Variants in LUC7L3 observed in about 807,000 individuals in gnomAD.
LUC7L3 encodes the protein luc7-like protein 3.
Under a neutral mutation model 66.8 loss-of-function variants are expected in LUC7L3, and 6 were observed. The ratio of observed to expected loss-of-function variants is 0.09; its 90% confidence interval spans 0.05 to 0.18. LUC7L3 has a LOEUF of 0.18. Among genes scored for constraint, LUC7L3 ranks in the 10% least tolerant of loss-of-function variants. The pLI is 1.00. For synonymous variants in LUC7L3, 160 were observed against 174.7 expected, an observed-to-expected ratio of 0.92 and a Z score of 0.66; for missense variants, 341 against 531.1, an observed-to-expected ratio of 0.64 and a Z score of 3.52.
At chr17:50,750,379 G>C in intron 9 of LUC7L3, 122 bp from the exon 10 acceptor site, 1 of 890,644 alleles carries the variant, frequency 1.1e-6, no homozygotes, top group Non-Finnish European at 1.7e-6. Flanking sequence ...TCACCAAACC[G>C]TTGCTTGCAG....
At chr17:50,730,891 G>A (rs1474869028) in intron 1 of LUC7L3, among the ~76,000 whole-genome samples, 3 of 152,132 alleles carry the variant, frequency 2.0e-5, no homozygotes, top group Non-Finnish European at 4.4e-5. Flanking sequence ...ATTGAGCCAA[G>A]ATCGTGACAC....
At chr17:50,739,517 G>A (rs916721313) in intron 2 of LUC7L3, among the ~76,000 whole-genome samples, 2 of 150,980 alleles carry the variant, frequency 1.3e-5, no homozygotes, top group Non-Finnish European at 2.9e-5. Flanking sequence ...ACGCAGGCAT[G>A]GTGGTGGGTG....
chr17:50,737,536 A>G (rs1362670140), intron 2 of LUC7L3: 3 of 254,136 alleles, frequency 1.2e-5, no homozygotes, highest in Non-Finnish European at 2.4e-5. Context: ...ATTAGTCTGT[A>G]GTCTAGTTCA....
chr17:50,729,896 T>TA (rs1969451113), intron 1 of LUC7L3, among the ~76,000 whole-genome samples: 4 of 65,586 alleles, frequency 6.1e-5, no homozygotes, highest in African/African-American at 1.9e-4. Context: ...TATAAATACA[T>TA]TATATATATA....
intron 1 of LUC7L3, among the ~76,000 whole-genome samples, chr17:50,720,660 A>G (rs751625958): frequency 6.6e-6 from 1 of 152,254 alleles, no homozygotes; most frequent in Non-Finnish European, 1.5e-5. Flanking sequence ...TGGAGAATAG[A>G]TACAGAATTT....
intron 1 of LUC7L3, among the ~76,000 whole-genome samples, chr17:50,725,634 G>T (rs1969131099): frequency 6.6e-6 from 1 of 152,156 alleles, no homozygotes. Flanking sequence ...GGTTTGAGTT[G>T]AGTGTGTCCA....
chr17:50,740,862 G>A (rs867501737), intron 3 of LUC7L3, among the ~76,000 whole-genome samples: 3 of 152,060 alleles, frequency 2.0e-5, no homozygotes, highest in Admixed American at 6.6e-5. Flanking sequence ...GCCCAGCCCC[G>A]ATTTTATCCA....
In LUC7L3 at chr17:50,754,335, C is replaced by T. The variant is rs1971071156; in HGVS notation, c.*3674C>T. ...ACTCATCACCAACAAGACTCATGAC[C>T]ACTTTTATACTTCATGAGTGATTGT... is the stretch of plus-strand genomic sequence containing the variant. On this transcript the variant is annotated 3_prime_UTR_variant, in exon 10 of 10. Transcript: ENST00000505658. 1 of 152,232 alleles carries T rather than the reference C, an allele frequency of 6.6e-6. No individual in the cohort carries two copies. Among genetic ancestry groups the T allele is most frequent in the East Asian group, 1.9e-4 (1 of 5,182 alleles). The allele number at this position is 152,232 out of a possible 1,614,324, so 9.4% of individuals were successfully genotyped here. A position where few individuals can be genotyped will look rare whatever the true frequency, so the allele number is the denominator to read the frequency against.
rs766356190 is a variant in LUC7L3, at chr17:50,755,013, T to A, written c.*4352T>A. The A allele has an allele frequency of 1.3e-5, 2 of 152,194 alleles. No homozygotes were observed. Among genetic ancestry groups the A allele is most frequent in the African/African-American group, 2.4e-5 (1 of 41,430 alleles). The allele number at this position is 152,194 out of a possible 1,614,324, so 9.4% of individuals were successfully genotyped here. A position where few individuals can be genotyped will look rare whatever the true frequency, so the allele number is the denominator to read the frequency against. On this transcript the variant is annotated 3_prime_UTR_variant, in exon 10 of 10. Transcript: ENST00000505658. ...TGAATATGTTTTTAAACATCTGATA[T>A]GTGCATGAAACAAAAAACACTTGAA...
intron 1 of LUC7L3, among the ~76,000 whole-genome samples, chr17:50,733,142 T>C (rs1254299814): frequency 2.0e-5 from 3 of 152,150 alleles, no homozygotes; most frequent in South Asian, 2.1e-4. Context: ...AATTAATCTT[T>C]AGATAGAATA....
At chr17:50,744,132 G>T (rs1970519121) in intron 6 of LUC7L3, among the ~76,000 whole-genome samples, 1 of 152,148 alleles carries the variant, frequency 6.6e-6, no homozygotes. Flanking sequence ...AAATTACTCA[G>T]TACATACTTA....
intron 1 of LUC7L3, among the ~76,000 whole-genome samples, chr17:50,724,533 GAATAA>G (rs1162602818): frequency 1.3e-5 from 2 of 150,738 alleles, no homozygotes; most frequent in African/African-American, 4.9e-5. Flanking sequence ...AAAAAAAATA[GAATAA>G]AATAACCACA....
intron 9 of LUC7L3, among the ~76,000 whole-genome samples, chr17:50,747,246 TTG>T (rs151151070): frequency 0.31 from 40,116 of 128,546 alleles, 5,523 homozygotes; most frequent in African/African-American, 0.43. Context: ...TTTTTTTTTT[TTG>T]GTGTGGCATC....
Position 50,752,734 on chromosome 17 carries a change from A to G in LUC7L3, c.*2073A>G, listed in dbSNP as rs1180482263. The G allele has an allele frequency of 1.3e-5, 2 of 152,314 alleles. No individual in the cohort carries two copies. The highest frequency in any genetic ancestry group is 2.9e-5 in the Non-Finnish European group (2 of 68,104). The allele number at this position is 152,314 out of a possible 1,614,324, so 9.4% of individuals were successfully genotyped here. On this transcript the variant is annotated 3_prime_UTR_variant, in exon 10 of 10. Coordinates refer to ENST00000505658, the MANE Select transcript of LUC7L3 (RefSeq NM_016424.5). Reference sequence around the variant, plus strand: ...GAACTAGTCCCCTGTTTTAAATACAAGAGTTACACTATTACTAGAGGTGTT... The same window carrying G: ...GAACTAGTCCCCTGTTTTAAATACAGGAGTTACACTATTACTAGAGGTGTT...
At position 50,755,800 on chromosome 17, in the gene LUC7L3, C is replaced by G. The variant is rs1020779910; in HGVS notation, c.*5139C>G. On this transcript the variant is annotated 3_prime_UTR_variant, in exon 10 of 10. Transcript: ENST00000505658. Reference sequence around the variant, plus strand: ...TAATAGGAAGAAAAGAAGAAAAAACCCGGGAAGATCCCAAGTGTCCACCAA... The same window carrying G: ...TAATAGGAAGAAAAGAAGAAAAAACGCGGGAAGATCCCAAGTGTCCACCAA... The G allele has an allele frequency of 3.3e-5, 5 of 152,126 alleles. No homozygotes were observed. The highest frequency in any genetic ancestry group is 1.2e-4 in the African/African-American group (5 of 41,408). The allele number at this position is 152,126 out of a possible 1,614,324, so 9.4% of individuals were successfully genotyped here.
At chr17:50,747,177 C>T (rs779147042) in intron 9 of LUC7L3, among the ~76,000 whole-genome samples, 1 of 150,460 alleles carries the variant, frequency 6.6e-6, no homozygotes. Flanking sequence ...GTCTTACCCA[C>T]GTTTTCAATG....
intron 7 of LUC7L3, 133 bp downstream of exon 7, chr17:50,744,946 G>T: frequency 1.5e-6 from 1 of 656,378 alleles, no homozygotes; most frequent in South Asian, 2.1e-5. Context: ...TGAGTAGCTG[G>T]GAGTACAGGC....
rs1278602678 is a variant in LUC7L3 at position 50,753,369 on chromosome 17, G to T, written c.*2708G>T. 1 of 152,576 alleles carries T rather than the reference G, an allele frequency of 6.6e-6. No individual in the cohort carries two copies. Among genetic ancestry groups the T allele is most frequent in the Non-Finnish European group, 1.5e-5 (1 of 68,020 alleles). 9.5% of individuals were successfully genotyped at this position (152,576 alleles called of 1,614,324 possible). On this transcript the variant is annotated 3_prime_UTR_variant, in exon 10 of 10. Transcript: ENST00000505658. ...ATGTTTATGGAGTTGCTAGGTCTCT[G>T]CCTCATGGTCCAGTGCCTGTTAAGC...
chr17:50,749,627 C>G (rs1186248960), intron 9 of LUC7L3, among the ~76,000 whole-genome samples: 1 of 152,130 alleles, frequency 6.6e-6, no homozygotes, highest in Non-Finnish European at 1.5e-5. Flanking sequence ...GTCTTTTTGT[C>G]TAATTAACTA....
Sources: gnomAD v4.1 joint callset for allele counts (sites outside exome capture counted in the v4.1 genomes callset) on GRCh38, gnomAD v4.1.1 for gene constraint, MANE v1.5 for transcripts, NCBI Gene and HGNC (gene_info 2026-07-23, HGNC 2026-07-21) for gene names.